The following INKA2 variants were observed in gnomAD, a reference collection of about 807,000 sequenced individuals.
INKA2 encodes inka box actin regulator 2.
Under a neutral mutation model 9.8 loss-of-function variants are expected in INKA2, and 3 were observed. The ratio of observed to expected loss-of-function variants is 0.31; its 90% CI spans 0.14 to 0.79. The LOEUF (loss-of-function observed/expected upper bound fraction) is 0.79, where lower values mean the gene tolerates loss of function less well. Ranked by LOEUF, INKA2 falls within the 30% of genes least tolerant of loss-of-function variation. INKA2 has a pLI of 0.62. For synonymous variants in INKA2, 147 were observed against 143.3 expected (o/e 1.03, Z -0.18); for missense variants, 392 against 384.4 (o/e 1.02, Z -0.17).
chr1:111,737,082 C>T (rs1663022596), intron 1 of INKA2, among the ~76,000 whole-genome samples: 1 of 152,060 alleles, frequency 6.6e-6, no homozygotes, highest in South Asian at 2.1e-4. Context: ...CAGAGCTCTC[C>T]CATCTGAGTG....
At chr1:111,755,490 A>ATCTC in intron 1 of INKA2, 2 of 582,170 alleles carry the variant, frequency 3.4e-6, no homozygotes, top group East Asian at 3.1e-5. Context: ...GTTGGGGAAG[A>ATCTC]GGTGGCCGCG....
At position 111,722,974 on chromosome 1, in the gene INKA2, T is replaced by C; in HGVS notation, c.*3994A>G. On this transcript the variant is annotated 3_prime_UTR_variant, in exon 2 of 2. Coordinates refer to ENST00000357260, the MANE Select transcript of INKA2 (RefSeq NM_019099.5). ...CTCACAGCAGCCCCACATTATCACC[T>C]TTCACAGATGAGAAACACAAGGTTC... 1.5e-6 allele frequency: 1 copy of C among 670,732 alleles called. No individual in the cohort carries two copies. Among genetic ancestry groups the C allele is most frequent in the Non-Finnish European group, 2.7e-6 (1 of 370,160 alleles). The allele number at this position is 670,732 out of a possible 1,614,324, so 41.5% of individuals were successfully genotyped here. A position where few individuals can be genotyped will look rare whatever the true frequency, so the allele number is the denominator to read the frequency against.
intron 1 of INKA2, chr1:111,755,699 A>G: frequency 6.2e-7 from 1 of 1,613,620 alleles, no homozygotes; most frequent in East Asian, 2.2e-5. Flanking sequence ...GCAGCGACTC[A>G]CCAGTTGCCT....
At chr1:111,746,928 T>A (rs545317551) in intron 1 of INKA2, 1 of 152,352 alleles carries the variant, frequency 6.6e-6, no homozygotes, top group South Asian at 2.1e-4. Flanking sequence ...GTAATTTAAC[T>A]TCTTTGGATC....
At chr1:111,755,479 C>A (rs932032781) in intron 1 of INKA2, 7 of 573,970 alleles carry the variant, frequency 1.2e-5, no homozygotes, top group African/African-American at 1.2e-4. Context: ...GAGCGGGTAG[C>A]GTTGGGGAAG....
In INKA2 at chr1:111,725,955, A is replaced by G. The variant is rs1662760062; in HGVS notation, c.*1013T>C. 2.6e-6 allele frequency: 1 copy of G among 391,574 alleles called. No homozygotes were observed. 24.3% of individuals were successfully genotyped at this position (391,574 alleles called of 1,614,324 possible). On this transcript the variant is annotated 3_prime_UTR_variant, in exon 2 of 2. Transcript: ENST00000357260. ...TTTCACCATGTTGGCCAGGCTGGTC[A>G]TGAACTCCTGACCCCAGGTAATCCG... is the stretch of plus-strand genomic sequence containing the variant.
chr1:111,727,168 A>T lies in INKA2; in HGVS notation c.694T>A (p.Trp232Arg), dbSNP rs746193336. ...RDRLLKEKPGWVTPMVPESRT... is the reference protein window; with the variant it reads ...RDRLLKEKPGRVTPMVPESRT... Reference sequence around the variant, plus strand: ...GACTCAGGGACCATGGGTGTCACCCAGCCTGGCTTCTCCTTCAGCAGCCGG... The same window carrying T: ...GACTCAGGGACCATGGGTGTCACCCTGCCTGGCTTCTCCTTCAGCAGCCGG... Residue 232 changes from tryptophan to arginine, a missense_variant, in exon 2 of 2, where the codon TGG (tryptophan) becomes AGG (arginine). Transcript: ENST00000357260. 5.6e-5 allele frequency: 90 copies of T among 1,614,118 alleles called. No homozygotes were observed. The highest frequency in any genetic ancestry group is 7.4e-5 in the Non-Finnish European group (87 of 1,180,052).
intron 1 of INKA2, among the ~76,000 whole-genome samples, chr1:111,749,514 C>A (rs1002696045): frequency 6.6e-6 from 1 of 152,094 alleles, no homozygotes; most frequent in Non-Finnish European, 1.5e-5. Context: ...AATTCCAGAA[C>A]AAATCTCTTT....
At chr1:111,727,967 G>T (rs1662824843) in intron 1 of INKA2, 163 bp from the exon 2 acceptor site, 1 of 678,674 alleles carries the variant, frequency 1.5e-6, no homozygotes, top group Non-Finnish European at 2.5e-6. Flanking sequence ...GATCAGTGCT[G>T]GGTAAAGGAA....
chr1:111,726,999 C>T lies in INKA2; in HGVS notation c.863G>A (p.Gly288Glu), dbSNP rs912269371. Reference protein sequence around the residue: ...CPKALEHSPSGFDINTAVWV With the variant: ...CPKALEHSPSEFDINTAVWV Reference sequence around the variant, plus strand: ...CCAAACAGCTGTGTTAATATCAAATCCTGAGGGTGAGTGCTCCAGGGCCTT... The same window carrying T: ...CCAAACAGCTGTGTTAATATCAAATTCTGAGGGTGAGTGCTCCAGGGCCTT... Residue 288 changes from glycine to glutamate, a missense_variant, in exon 2 of 2, where the codon GGA becomes GAA. Physicochemically the swap from Gly to Glu is moderately conservative, Grantham distance 98. Transcript: ENST00000357260. 6.2e-6 allele frequency: 10 copies of T among 1,613,728 alleles called. No individual in the cohort carries two copies. Among genetic ancestry groups the T allele is most frequent in the Non-Finnish European group, 5.1e-6 (6 of 1,179,960 alleles).
At chr1:111,755,594 G>T (rs1663522575) in intron 1 of INKA2, 1 of 1,334,644 alleles carries the variant, frequency 7.5e-7, no homozygotes. Flanking sequence ...GGGCGGTGGC[G>T]CCGGGGGCAC....
intron 1 of INKA2, among the ~76,000 whole-genome samples, chr1:111,750,613 C>G (rs1401353512): frequency 6.6e-6 from 1 of 152,104 alleles, no homozygotes; most frequent in Non-Finnish European, 1.5e-5. Context: ...AAGCAGTGTA[C>G]CAACACCTAA....
At chr1:111,738,631 G>A (rs894481614) in intron 1 of INKA2, among the ~76,000 whole-genome samples, 5 of 152,012 alleles carry the variant, frequency 3.3e-5, no homozygotes, top group Non-Finnish European at 7.4e-5. Context: ...GCCTGCCCCC[G>A]CAGCCGCGCC....
intron 1 of INKA2, chr1:111,755,570 A>T (rs1282308194): frequency 9.3e-7 from 1 of 1,071,622 alleles, no homozygotes; most frequent in African/African-American, 1.7e-5. Flanking sequence ...GGCGCATCAC[A>T]AAGAACGGCG....
At chr1:111,727,883 C>T (rs1399578946) in intron 1 of INKA2, 79 bp from the exon 2 acceptor site, 5 of 1,384,336 alleles carry the variant, frequency 3.6e-6, no homozygotes, top group Non-Finnish European at 5.1e-6. Context: ...ACTTAGGTCC[C>T]CCACCCAAAC....
At position 111,739,167 on chromosome 1, in the gene INKA2, G is replaced by A. The variant is rs536384224; in HGVS notation, c.57+19C>T. 138 of 1,611,570 alleles carry A rather than the reference G, an allele frequency of 8.6e-5. 3 individuals are homozygous for A. The Admixed American group carries it at 2.2e-3, about 26-fold the overall frequency. On this transcript the variant is annotated intron_variant, in intron 1 of 1. Transcript: ENST00000357260. ...GGGCGGAGCAGCCCTCCCTGCCCCG[G>A]CGCCAGCTTCGCTCTTACCAGCTCC...
rs1449921193 is a variant in INKA2 at position 111,724,298 on chromosome 1, G to A, written c.*2670C>T. 2.0e-5 allele frequency: 3 copies of A among 152,140 alleles called. No homozygotes were observed. Among genetic ancestry groups the A allele is most frequent in the Admixed American group, 2.0e-4 (3 of 15,272 alleles). 9.4% of individuals were successfully genotyped at this position (152,140 alleles called of 1,614,324 possible). A position where few individuals can be genotyped will look rare whatever the true frequency, so the allele number is the denominator to read the frequency against. ...GGTCCTTCTCATTGCTCTGTTCTTA[G>A]TTTCTATAACAACACCTGGTGCTGG... On this transcript the variant is annotated 3_prime_UTR_variant, in exon 2 of 2. Coordinates refer to ENST00000357260, the MANE Select transcript of INKA2 (RefSeq NM_019099.5).
At chr1:111,740,185 G>C (rs1469220325), upstream of INKA2, 1 of 152,286 alleles carries the variant, frequency 6.6e-6, no homozygotes, top group Non-Finnish European at 1.5e-5. Context: ...GGCCTTCAGT[G>C]GGGTGGGCAG....
chr1:111,731,825 TTAGCACA>T (rs1395604303), intron 1 of INKA2, among the ~76,000 whole-genome samples: 1 of 152,258 alleles, frequency 6.6e-6, no homozygotes, highest in Non-Finnish European at 1.5e-5. Context: ...TTGGTGAAAC[TTAGCACA>T]TAGTAATGAC....
Sources: gnomAD v4.1 joint callset for allele counts (sites outside exome capture counted in the v4.1 genomes callset) on GRCh38, gnomAD v4.1.1 for gene constraint, MANE v1.5 for transcripts, NCBI Gene and HGNC (gene_info 2026-07-23, HGNC 2026-07-21) for gene names.